TRPS1: variants seen among roughly 807,000 people sequenced by gnomAD.
The protein encoded by TRPS1 is transcriptional repressor GATA binding 1.
Under a neutral mutation model 101.2 loss-of-function variants are expected in TRPS1, and 6 were observed. The observed-to-expected ratio is 0.06, with a 90% CI of 0.03 to 0.12. The LOEUF is 0.12. TRPS1 is among the 10% of genes least tolerant of loss of function. The pLI is 1.00. For synonymous variants in TRPS1, 578 were observed against 589.8 expected (o/e 0.98, Z 0.29); for missense variants, 1,363 against 1,567.0 (o/e 0.87, Z 2.20).
At chr8:115,512,523 T>C (rs1380139224) in intron 5 of TRPS1, among the ~76,000 whole-genome samples, 1 of 151,620 alleles carries the variant, frequency 6.6e-6, no homozygotes, top group Non-Finnish European at 1.5e-5. Flanking sequence ...TTATGCTTCA[T>C]GGTTTTTTTT....
rs142131416 is a variant in TRPS1 at position 115,614,980 on chromosome 8, C to A, written c.966+4152G>T. On this transcript the variant is annotated intron_variant, in intron 3 of 6. Transcript: ENST00000395715. ...AAAATACAAATCCAAAGGATGACTTCCTCTCTCTAAAATCTGTTCTTCCTG... is the reference window on the plus strand; with the variant it reads ...AAAATACAAATCCAAAGGATGACTTACTCTCTCTAAAATCTGTTCTTCCTG... Among the ~76,000 whole-genome samples, 7 of 152,194 alleles carry A rather than the reference C, an allele frequency of 4.6e-5. No individual in the cohort carries two copies. In the East Asian group the frequency reaches 1.4e-3, roughly 29 times the overall value.
chr8:115,605,627 C>T (rs565080311), intron 3 of TRPS1, among the ~76,000 whole-genome samples: 10 of 151,886 alleles, frequency 6.6e-5, no homozygotes, highest in South Asian at 2.1e-4. Flanking sequence ...AAAGAAGAAC[C>T]GTGTAAATAA....
At chr8:115,615,712 G>C (rs1818262695) in intron 3 of TRPS1, among the ~76,000 whole-genome samples, 1 of 152,108 alleles carries the variant, frequency 6.6e-6, no homozygotes, top group Admixed American at 6.6e-5. Flanking sequence ...AGTGAGCTGA[G>C]ACCATGCCAC....
intron 5 of TRPS1, among the ~76,000 whole-genome samples, chr8:115,450,711 GA>G (rs1052649163): frequency 2.9e-4 from 44 of 151,908 alleles, no homozygotes; most frequent in South Asian, 4.2e-4. Flanking sequence ...ACATATACAT[GA>G]AAAAAACCCC....
chr8:115,596,509 A>T (rs958977270), intron 4 of TRPS1, among the ~76,000 whole-genome samples: 1 of 152,040 alleles, frequency 6.6e-6, no homozygotes, highest in Admixed American at 6.6e-5. Context: ...GAATCATAGA[A>T]TGTGATTTTA....
intron 5 of TRPS1, chr8:115,511,118 T>C (rs1459453751): frequency 6.6e-6 from 1 of 151,940 alleles, no homozygotes; most frequent in Admixed American, 6.6e-5. Flanking sequence ...TATGAAATTA[T>C]TGTCTTTCTG....
chr8:115,463,713 A>C (rs1335398055), intron 5 of TRPS1, among the ~76,000 whole-genome samples: 1 of 152,164 alleles, frequency 6.6e-6, no homozygotes, highest in African/African-American at 2.4e-5. Flanking sequence ...TTTAAAACAA[A>C]TTTAAATTTA....
chr8:115,623,579 C>G, intron 2 of TRPS1, 22 bp downstream of exon 2: 1 of 1,611,316 alleles, frequency 6.2e-7, no homozygotes, highest in Non-Finnish European at 8.5e-7. Flanking sequence ...AACATTTTCA[C>G]TTGAAAAAAT....
intron 5 of TRPS1, among the ~76,000 whole-genome samples, chr8:115,453,920 T>C (rs966778232): frequency 1.3e-5 from 2 of 152,238 alleles, no homozygotes; most frequent in Non-Finnish European, 2.9e-5. Context: ...GGAAATGTAT[T>C]CATGTGGTCA....
intron 3 of TRPS1, among the ~76,000 whole-genome samples, chr8:115,610,283 C>T (rs539089365): frequency 2.0e-5 from 3 of 152,126 alleles, no homozygotes; most frequent in African/African-American, 4.8e-5. Flanking sequence ...ACTGATATTT[C>T]GAATAACTTG....
intron 5 of TRPS1, among the ~76,000 whole-genome samples, chr8:115,472,334 G>C (rs1482094190): frequency 6.6e-6 from 1 of 152,226 alleles, no homozygotes; most frequent in East Asian, 1.9e-4. Flanking sequence ...TGAAGCAACA[G>C]CCTGAGCTCT....
At chr8:115,562,876 CTGTG>C (rs10588354) in intron 5 of TRPS1, among the ~76,000 whole-genome samples, 8,387 of 132,552 alleles carry the variant, frequency 0.063, 302 homozygotes, top group African/African-American at 0.098. Context: ...CCCACAGTGT[CTGTG>C]TGTGTGTGTG....
At chr8:115,638,083 C>A (rs556403066) in intron 1 of TRPS1, among the ~76,000 whole-genome samples, 171 of 152,248 alleles carry the variant, frequency 1.1e-3, no homozygotes, top group Non-Finnish European at 2.1e-3. Flanking sequence ...ACTATACACC[C>A]CATGTAAATC....
chr8:115,496,338 G>A (rs1339587900), intron 5 of TRPS1, among the ~76,000 whole-genome samples: 2 of 152,042 alleles, frequency 1.3e-5, no homozygotes, highest in Admixed American at 1.3e-4. Context: ...AGACCATTGT[G>A]TTATGGAAAT....
chr8:115,496,787 A>G (rs1815159641), intron 5 of TRPS1, among the ~76,000 whole-genome samples: 1 of 152,190 alleles, frequency 6.6e-6, no homozygotes, highest in Admixed American at 6.5e-5. Context: ...TATACCGTGA[A>G]GTCCTGATTA....
intron 5 of TRPS1, among the ~76,000 whole-genome samples, chr8:115,526,472 A>G (rs1318502359): frequency 6.6e-6 from 1 of 152,198 alleles, no homozygotes; most frequent in African/African-American, 2.4e-5. Flanking sequence ...ATCTTTCAAC[A>G]TTCTAAATCT....
At chr8:115,666,994 A>G (rs1005354311) in intron 1 of TRPS1, among the ~76,000 whole-genome samples, 1 of 152,076 alleles carries the variant, frequency 6.6e-6, no homozygotes, top group Admixed American at 6.5e-5. Flanking sequence ...CCTCGCTTAA[A>G]CTCTAGCCGT....
chr8:115,612,928 A>G lies in TRPS1; in HGVS notation c.966+6204T>C, dbSNP rs541265447. ...CCTGCACTGAATGTAGGCGGAGGAT[A>G]AAACCTTAATTACACAGCCTTGGAG... is the stretch of plus-strand genomic sequence containing the variant. On this transcript the variant is annotated intron_variant, in intron 3 of 6. Coordinates refer to ENST00000395715, the MANE Select transcript of TRPS1 (RefSeq NM_014112.5). Among the ~76,000 whole-genome samples the G allele has an allele frequency of 1.2e-4, 19 of 152,312 alleles. No homozygotes were observed. The South Asian group carries it at 3.9e-3, about 32-fold the overall frequency.
At chr8:115,528,388 G>GC (rs1311806279) in intron 5 of TRPS1, among the ~76,000 whole-genome samples, 1 of 152,024 alleles carries the variant, frequency 6.6e-6, no homozygotes, top group African/African-American at 2.4e-5. Flanking sequence ...AATCCTCACA[G>GC]CAGCACTCTG....
Sources: gnomAD v4.1 joint callset for allele counts (sites outside exome capture counted in the v4.1 genomes callset) on GRCh38, gnomAD v4.1.1 for gene constraint, MANE v1.5 for transcripts, NCBI Gene and HGNC (gene_info 2026-07-23, HGNC 2026-07-21) for gene names.